Variants in AGRN observed in about 807,000 individuals in gnomAD.
The protein encoded by AGRN is agrin proteoglycan.
Under a neutral mutation model 211.0 loss-of-function variants are expected in AGRN, and 106 were observed. The observed-to-expected ratio is 0.50, with a 90% CI of 0.43 to 0.59. AGRN has a LOEUF of 0.59. AGRN is among the 20% of genes least tolerant of loss of function. AGRN has a pLI of 0.00. For synonymous variants in AGRN, 1,525 were observed against 1,332.5 expected, an observed-to-expected ratio of 1.14 and a Z score of -3.15; for missense variants, 3,040 against 2,982.6, an observed-to-expected ratio of 1.02 and a Z score of -0.45.
Position 1,046,625 on chromosome 1 carries a change from C to A in AGRN, c.3140C>A (p.Ser1047Tyr). 6.2e-7 allele frequency: 1 copy of A among 1,601,882 alleles called. No homozygotes were observed. Residue 1047 changes from serine to tyrosine, a missense_variant, in exon 18 of 36, where the codon TCC (serine) becomes TAC (tyrosine). Transcript: ENST00000379370. ...PVLTVPPTAP[S>Y]PAPSLVASAF... ...CTGACGGTGCCCCCCACGGCACCCT[C>A]CCCTGCACCCAGCCTGGTGGCGTCC...
In AGRN at chr1:1,050,072, G is replaced by C. The variant is rs764146363; in HGVS notation, c.4879+35G>C. 33 of 1,519,034 alleles carry C rather than the reference G, an allele frequency of 2.2e-5. 2 individuals are homozygous for C. The highest frequency in any genetic ancestry group is 5.9e-5 in the Admixed American group (3 of 51,042). The allele number at this position is 1,519,034 out of a possible 1,614,324, so 94.1% of individuals were successfully genotyped here. ...GTGGGGCTCTCGGGGCAGGGGGGGG[G>C]GGGGGGTTGAACGTTTGGGCGGGTA... is the stretch of plus-strand genomic sequence containing the variant. On this transcript the variant is annotated intron_variant, in intron 27 of 35. Transcript: ENST00000379370.
rs1205225964 is a variant in AGRN, at chr1:1,043,996, G to C, written c.1972G>C (p.Glu658Gln). 1 of 1,607,486 alleles carries C rather than the reference G, an allele frequency of 6.2e-7. No individual in the cohort carries two copies. The highest frequency in any genetic ancestry group is 1.1e-5 in the South Asian group (1 of 90,894). The change falls in exon 10 of 36, where the codon GAG (glutamate) becomes CAG (glutamine). Residue 658 changes from glutamate (E) to glutamine (Q), a missense_variant. This residue lies in a region of AGRN where 1,498 missense variants were observed against 1,457.8 expected (regional missense o/e 1.03). Transcript: ENST00000379370. Reference sequence around the variant, plus strand: ...CTGCCTCCAGCAGACACAGATCGAGGAGGCCCGGGCAGGGCCGTGCGAGCA... The same window carrying C: ...CTGCCTCCAGCAGACACAGATCGAGCAGGCCCGGGCAGGGCCGTGCGAGCA... Reference protein sequence around the residue: ...AACLQQTQIEEARAGPCEQAE... With the variant: ...AACLQQTQIEQARAGPCEQAE...
At position 1,050,040 on chromosome 1, in the gene AGRN, C is replaced by T. The variant is rs777359126; in HGVS notation, c.4879+3C>T. 87 of 633,432 alleles carry T rather than the reference C, an allele frequency of 1.4e-4. No individual in the cohort carries two copies. The highest frequency in any genetic ancestry group is 2.1e-4 in the Non-Finnish European group (79 of 384,150). 39.2% of individuals were successfully genotyped at this position (633,432 alleles called of 1,614,324 possible). On this transcript the variant is annotated splice_donor_region_variant and intron_variant, in intron 27 of 35. Transcript: ENST00000379370. ...TGAGGGCACCTTCTGCCAGACAGGT[C>T]GGGGGCGTGGGGCTCTCGGGGCAGG...
At position 1,046,014 on chromosome 1, in the gene AGRN, C is replaced by A; in HGVS notation, c.2731C>A (p.Arg911=). The change falls in exon 16 of 36, where the codon CGG becomes AGG. Residue 911 remains arginine (R), a synonymous_variant. Transcript: ENST00000379370. ...CAEMRCEFGA[R]CVEESGSAHC... Reference sequence around the variant, plus strand: ...GGAGATGCGCTGTGAGTTCGGTGCGCGGTGCGTGGAGGAGTCTGGCTCAGC... The same window carrying A: ...GGAGATGCGCTGTGAGTTCGGTGCGAGGTGCGTGGAGGAGTCTGGCTCAGC... The A allele has an allele frequency of 1.9e-6, 3 of 1,613,976 alleles. No individual in the cohort carries two copies. The highest frequency in any genetic ancestry group is 1.7e-6 in the Non-Finnish European group (2 of 1,180,012).
At position 1,040,753 on chromosome 1, in the gene AGRN, C is replaced by G. The variant is rs1440494987; in HGVS notation, c.600C>G (p.Ser200Arg). 1.9e-6 allele frequency: 3 copies of G among 1,543,336 alleles called. No homozygotes were observed. Among genetic ancestry groups the G allele is most frequent in the Admixed American group, 2.0e-5 (1 of 51,116 alleles). Residue 200 changes from serine to arginine, a missense_variant, in exon 4 of 36, where the codon AGC (serine) becomes AGG (arginine). Around this residue, in one of 3 missense-constraint regions of AGRN, gnomAD observed 1,498 missense variants for 1,457.8 expected, o/e 1.03. Coordinates refer to ENST00000379370, the MANE Select transcript of AGRN (RefSeq NM_198576.4). ...PGRASCVCKK[S>R]PCPSVVAPVC... ...GGGCGTCCTGCGTCTGCAAGAAGAG[C>G]CCGTGCCCCAGCGTGGTGGCGCCTG... is the stretch of plus-strand genomic sequence containing the variant.
intron 2 of AGRN, among the ~76,000 whole-genome samples, chr1:1,028,150 G>C (rs948170451): frequency 2.6e-5 from 4 of 152,174 alleles, no homozygotes; most frequent in Admixed American, 6.5e-5. Context: ...TGCATTGAGG[G>C]GTGAAAGCCC....
chr1:1,050,944 C>G, intron 30 of AGRN, 107 bp downstream of exon 30: 17 of 1,545,084 alleles, frequency 1.1e-5, no homozygotes, highest in Non-Finnish European at 1.5e-5. Flanking sequence ...CTGTCCTGTT[C>G]TCTTGGCCGC....
rs759945596 is a variant in AGRN, at chr1:1,049,985, T to C, written c.4827T>C (p.Gly1609=). 20 of 1,512,396 alleles carry C rather than the reference T, an allele frequency of 1.3e-5. No individual in the cohort carries two copies. In the Admixed American group the frequency reaches 3.5e-4, roughly 27 times the overall value. The allele number at this position is 1,512,396 out of a possible 1,614,324, so 93.7% of individuals were successfully genotyped here. The part of the protein sequence containing the change: ...GAAPCRVLPE[G]GAQCECPLGR... ...CGCCCTGCCGTGTGCTGCCCGAGGG[T>C]GGTGCTCAGTGCGAGTGCCCCCTGG... Residue 1609 remains glycine (G), a synonymous_variant, in exon 27 of 36, where the codon GGT becomes GGC. Transcript: ENST00000379370.
intron 1 of AGRN, among the ~76,000 whole-genome samples, chr1:1,021,221 C>A (rs771653325): frequency 1.3e-5 from 2 of 152,236 alleles, no homozygotes; most frequent in Non-Finnish European, 2.9e-5. Flanking sequence ...TCCTCCACAG[C>A]GGCCAGGGCA....
In AGRN at chr1:1,045,990, G is replaced by A; in HGVS notation, c.2707G>A (p.Glu903Lys). 1.2e-6 allele frequency: 2 copies of A among 1,613,940 alleles called. No homozygotes were observed. Among genetic ancestry groups the A allele is most frequent in the Non-Finnish European group, 8.5e-7 (1 of 1,180,004 alleles). Residue 903 changes from glutamate to lysine, a missense_variant, in exon 16 of 36, where the codon GAG (glutamate) becomes AAG (lysine). Physicochemically the swap from Glu to Lys is moderately conservative, Grantham distance 56 (BLOSUM62 1). Coordinates refer to ENST00000379370, the MANE Select transcript of AGRN (RefSeq NM_198576.4). ...ADASAPATCA[E>K]MRCEFGARCV... ...CGCTTCTGCGCCTGCGACCTGTGCG[G>A]AGATGCGCTGTGAGTTCGGTGCGCG...
At chr1:1,054,180 G>A (rs570484852) in intron 34 of AGRN, among the ~76,000 whole-genome samples, 17 of 152,234 alleles carry the variant, frequency 1.1e-4, no homozygotes, top group African/African-American at 4.1e-4. Flanking sequence ...AAGGCATCCC[G>A]GCCCTGCCCG....
Position 1,044,366 on chromosome 1 carries a change from C to T in AGRN, c.2181C>T (p.Thr727=), listed in dbSNP as rs752633077. The change falls in exon 12 of 36, where the codon ACC becomes ACT. Residue 727 remains threonine, a synonymous_variant. Transcript: ENST00000379370. ...GCTCAGATGGGGTCACCTACAGCACCGAGTGTGAGCTGAAGAAGGCCAGGT... is the reference window on the plus strand; with the variant it reads ...GCTCAGATGGGGTCACCTACAGCACTGAGTGTGAGCTGAAGAAGGCCAGGT... ...VCGSDGVTYS[T]ECELKKARCE... 8 of 1,612,704 alleles carry T rather than the reference C, an allele frequency of 5.0e-6. No individual in the cohort carries two copies. Among genetic ancestry groups the T allele is most frequent in the East Asian group, 2.2e-5 (1 of 44,852 alleles).
chr1:1,029,365 A>ACCTATGCAGGCAGGTGGGGGGATCAGTG (rs1553172505), intron 2 of AGRN, among the ~76,000 whole-genome samples: 1 of 57,848 alleles, frequency 1.7e-5, no homozygotes, highest in East Asian at 7.9e-4. Context: ...GATGCCCAAT[A>ACCTATGCAGGCAGGTGGGGGGATCAGTG]TCTATGCAGG....
rs754655150 is a variant in AGRN, at chr1:1,044,016, C to A, written c.1992C>A (p.Cys664Ter). ...TCGAGGAGGCCCGGGCAGGGCCGTGCGAGCAGGGTAGGCCGGGGGACGCTG... is the reference window on the plus strand; with the variant it reads ...TCGAGGAGGCCCGGGCAGGGCCGTGAGAGCAGGGTAGGCCGGGGGACGCTG... Reference protein sequence around the residue: ...TQIEEARAGPCEQAECGSGGS... With the variant: ...TQIEEARAGP Residue 664 changes from cysteine (C) to a stop codon, truncating the protein, a stop_gained, in exon 10 of 36, where the codon TGC becomes TGA. Coordinates refer to ENST00000379370, the MANE Select transcript of AGRN (RefSeq NM_198576.4). LOFTEE classifies it high-confidence loss of function. 2 of 1,608,852 alleles carry A rather than the reference C, an allele frequency of 1.2e-6. No individual in the cohort carries two copies. Among genetic ancestry groups the A allele is most frequent in the Non-Finnish European group, 1.7e-6 (2 of 1,179,320 alleles).
chr1:1,047,045 C>T lies in AGRN; in HGVS notation c.3388+88C>T, dbSNP rs137903935. 6.1e-3 allele frequency: 9,356 copies of T among 1,534,568 alleles called. 54 individuals carry two copies. The highest frequency in any genetic ancestry group is 5.9e-3 in the Non-Finnish European group (6,658 of 1,137,506). ...CCTCGCCTGGGCAGCAGGTCAGTGC[C>T]GGGGGTTATGGTCTTGGGACTCGGC... On this transcript the variant is annotated intron_variant, in intron 19 of 35. Transcript: ENST00000379370.
intron 2 of AGRN, among the ~76,000 whole-genome samples, chr1:1,030,569 ATG>A (rs1557689385): frequency 7.9e-5 from 1 of 12,700 alleles, no homozygotes. Context: ...AGAGATCAGC[ATG>A]TGTGTGTGCA....
chr1:1,031,621 C>A lies in AGRN; in HGVS notation c.464-3656C>A, dbSNP rs545407446. 2.6e-5 allele frequency among the ~76,000 whole-genome samples: 4 copies of A among 152,292 alleles called. No individual in the cohort carries two copies. In the East Asian group the frequency reaches 7.7e-4, roughly 29 times the overall value. On this transcript the variant is annotated intron_variant, in intron 2 of 35. Coordinates refer to ENST00000379370, the MANE Select transcript of AGRN (RefSeq NM_198576.4). This position sits in a 1 kb window ranked among gnomAD's most constrained non-coding sequence, Gnocchi z 4.8. ...CAGTGTCGGCCTGGGGCAGCCAGGC[C>A]CCCCACGTGACTTTCAGCTTGTTGG...
At chr1:1,030,098 A>G (rs1217812944) in intron 2 of AGRN, among the ~76,000 whole-genome samples, 1 of 67,478 alleles carries the variant, frequency 1.5e-5, no homozygotes, top group African/African-American at 5.4e-5. Flanking sequence ...CTGTGAGATC[A>G]GCATGTGTGT....
chr1:1,045,764 G>C lies in AGRN; in HGVS notation c.2568G>C (p.Arg856=). ...GCTGTGATCCCCAAGGCGCCGTGCG[G>C]GATGACTGTGAGCAGATGACGGGGC... ...PCSCDPQGAV[R]DDCEQMTGLC... Residue 856 remains arginine, a synonymous_variant, in exon 15 of 36, where the codon CGG becomes CGC. Transcript: ENST00000379370. 1 of 1,613,442 alleles carries C rather than the reference G, an allele frequency of 6.2e-7. No homozygotes were observed. Among genetic ancestry groups the C allele is most frequent in the Non-Finnish European group, 8.5e-7 (1 of 1,179,962 alleles).
Sources: allele counts gnomAD v4.1 joint callset (sites outside exome capture counted in the v4.1 genomes callset), GRCh38; gene constraint gnomAD v4.1.1; regional missense constraint gnomAD v4.1.1; non-coding constraint Gnocchi (gnomAD v3.1); transcripts MANE v1.5; gene names NCBI Gene and HGNC (gene_info 2026-07-23, HGNC 2026-07-21).